Variants in GRHL2 observed in about 807,000 individuals in gnomAD.
The protein encoded by GRHL2 is grainyhead-like protein 2 homolog.
GRHL2 carries 21 observed loss-of-function variants against 83.8 expected under a neutral mutation model. The observed-to-expected ratio is 0.25, with a 90% CI of 0.18 to 0.36. GRHL2 has a LOEUF of 0.36. GRHL2 is among the 10% of genes least tolerant of loss of function. The probability of loss-of-function intolerance (pLI) is 1.00; values close to 1 mark genes in which losing one functional copy is unlikely to be tolerated. For synonymous variants in GRHL2, 280 were observed against 278.9 expected (o/e 1.00, Z -0.04); for missense variants, 623 against 781.8 (o/e 0.80, Z 2.42).
intron 2 of GRHL2, among the ~76,000 whole-genome samples, chr8:101,545,945 G>A (rs921464075): frequency 1.6e-4 from 20 of 127,906 alleles, no homozygotes; most frequent in Admixed American, 2.9e-4. Context: ...GCAGTGGCAC[G>A]ATCTTGGCTC....
Position 101,616,050 on chromosome 8 carries a change from TCTCCC to T in GRHL2, c.1099-3474_1099-3470del, listed in dbSNP as rs200214649. On this transcript the variant is annotated intron_variant, in intron 8 of 15. Coordinates refer to ENST00000646743, the MANE Select transcript of GRHL2 (RefSeq NM_024915.4). The stretch of plus-strand genomic sequence containing the variant: ...TATCTTTTCTTTCTTTCTTTCTCTT[TCTCCC>T]CTCCCCTCCCCTCCTCCTCCCTCCC... Among the ~76,000 whole-genome samples, 1,276 of 151,258 alleles carry T rather than the reference TCTCCC, an allele frequency of 8.4e-3. 6 individuals are homozygous for T. Among genetic ancestry groups the T allele is most frequent in the Non-Finnish European group, 0.011 (726 of 67,754 alleles).
chr8:101,523,066 T>A (rs537368899), intron 1 of GRHL2, among the ~76,000 whole-genome samples: 2 of 151,784 alleles, frequency 1.3e-5, no homozygotes, highest in South Asian at 4.2e-4. Flanking sequence ...CCCGCCACCA[T>A]GCCCCGCTAA....
At chr8:101,646,102 A>G (rs777540585) in intron 13 of GRHL2, among the ~76,000 whole-genome samples, 14 of 152,076 alleles carry the variant, frequency 9.2e-5, no homozygotes, top group Non-Finnish European at 1.2e-4. Context: ...CCTGAGCTCA[A>G]GCAATCTGCC....
intron 8 of GRHL2, among the ~76,000 whole-genome samples, chr8:101,614,449 T>A (rs905144463): frequency 2.6e-5 from 4 of 151,182 alleles, no homozygotes; most frequent in East Asian, 1.9e-4. Flanking sequence ...AGAGAGGTTT[T>A]AAAAATATTA....
At chr8:101,627,621 C>A (rs1356241640) in intron 9 of GRHL2, among the ~76,000 whole-genome samples, 1 of 152,068 alleles carries the variant, frequency 6.6e-6, no homozygotes, top group Non-Finnish European at 1.5e-5. Context: ...TCACTTTAAT[C>A]AGAAGCTAGA....
intron 1 of GRHL2, among the ~76,000 whole-genome samples, chr8:101,531,857 G>A (rs990718106): frequency 6.6e-6 from 1 of 152,116 alleles, no homozygotes; most frequent in African/African-American, 2.4e-5. Flanking sequence ...TCAAGTAGTA[G>A]ATCAGTATAT....
chr8:101,566,646 G>A (rs1266172720), intron 4 of GRHL2, among the ~76,000 whole-genome samples: 11 of 148,512 alleles, frequency 7.4e-5, no homozygotes, highest in Non-Finnish European at 1.2e-4. Flanking sequence ...CTAACTGCCC[G>A]ATTGATTTTT....
At chr8:101,677,314 T>C in the GRHL2 span, among the ~76,000 whole-genome samples, 2 of 152,018 alleles carry the variant, frequency 1.3e-5, no homozygotes. Context: ...AAGAACTTGA[T>C]GTCTGTTCTG....
At chr8:101,663,029 T>A (rs1350938215) in intron 14 of GRHL2, among the ~76,000 whole-genome samples, 1 of 152,212 alleles carries the variant, frequency 6.6e-6, no homozygotes, top group East Asian at 1.9e-4. Flanking sequence ...GTGTGAATTA[T>A]CAAAATGTGT....
At chr8:101,542,789 G>C (rs1267950519) in intron 1 of GRHL2, 1 of 456,716 alleles carries the variant, frequency 2.2e-6, no homozygotes, top group Admixed American at 2.3e-5. Flanking sequence ...GGGGAAAGAT[G>C]GAAGGGTAAA....
intron 2 of GRHL2, among the ~76,000 whole-genome samples, chr8:101,544,464 A>G (rs1237205857): frequency 6.6e-6 from 1 of 152,236 alleles, no homozygotes; most frequent in East Asian, 1.9e-4. Context: ...TCAGGAAATC[A>G]AACAAAAACA....
Position 101,663,529 on chromosome 8 carries a change from T to C in GRHL2, c.1699-925T>C, listed in dbSNP as rs763019366. 9.0e-4 allele frequency among the ~76,000 whole-genome samples: 137 copies of C among 151,948 alleles called. 1 individual carries two copies. The highest frequency in any genetic ancestry group is 2.4e-4 in the Non-Finnish European group (16 of 67,988). On this transcript the variant is annotated intron_variant, in intron 14 of 15. Transcript: ENST00000646743. The stretch of plus-strand genomic sequence containing the variant: ...CAGGAGGCTGAGGCAGGAGAATCAC[T>C]TGAACCTGGGAGGCAGAGGTTGCAG...
At position 101,633,377 on chromosome 8, in the gene GRHL2, C is replaced by T. The variant is rs149256677; in HGVS notation, c.1485+1012C>T. Among the ~76,000 whole-genome samples, 217 of 152,304 alleles carry T rather than the reference C, an allele frequency of 1.4e-3. 1 individual carries two copies. Among genetic ancestry groups the T allele is most frequent in the Non-Finnish European group, 1.7e-3 (115 of 68,026 alleles). On this transcript the variant is annotated intron_variant, in intron 11 of 15. Coordinates refer to ENST00000646743, the MANE Select transcript of GRHL2 (RefSeq NM_024915.4). Reference sequence around the variant, plus strand: ...GTTTTGAGAAACAGGAGCATACTGACACATTTAAGTTTTTCTTGCATTCTA... The same window carrying T: ...GTTTTGAGAAACAGGAGCATACTGATACATTTAAGTTTTTCTTGCATTCTA...
Position 101,492,721 on chromosome 8 carries a change from C to T in GRHL2, c.-49C>T. 1 of 1,580,306 alleles carries T rather than the reference C, an allele frequency of 6.3e-7. No individual in the cohort carries two copies. The highest frequency in any genetic ancestry group is 8.7e-7 in the Non-Finnish European group (1 of 1,149,180). ...GCACAGACTTGAAAGTCCAGTTTCA[C>T]CAGAGGCTGAGGCTCCAGGAAAAGC... is the stretch of plus-strand genomic sequence containing the variant. On this transcript the variant is annotated 5_prime_UTR_variant, in exon 1 of 16. Transcript: ENST00000646743.
chr8:101,493,546 A>T (rs1314909634), intron 1 of GRHL2, among the ~76,000 whole-genome samples: 1 of 152,094 alleles, frequency 6.6e-6, no homozygotes, highest in Non-Finnish European at 1.5e-5. Flanking sequence ...GCCTCGAGTT[A>T]GGGCCTCGGC....
intron 2 of GRHL2, chr8:101,543,996 A>T (rs1204883401): frequency 5.8e-6 from 1 of 172,716 alleles, no homozygotes; most frequent in Non-Finnish European, 1.2e-5. Flanking sequence ...AGATCTTGTG[A>T]GACTTATTCG....
chr8:101,638,570 C>A (rs1125589), intron 12 of GRHL2, among the ~76,000 whole-genome samples: 39,744 of 152,058 alleles, frequency 0.26, 5,343 homozygotes, highest in South Asian at 0.34. Context: ...ATATTTACTG[C>A]CTGCCCCTTT....
chr8:101,576,046 A>G (rs947811762), intron 6 of GRHL2, among the ~76,000 whole-genome samples: 2 of 152,252 alleles, frequency 1.3e-5, no homozygotes, highest in African/African-American at 4.8e-5. Context: ...AGCCACCGGC[A>G]TGTATTTGCT....
chr8:101,579,972 C>G (rs1393889109), intron 7 of GRHL2, among the ~76,000 whole-genome samples: 1 of 152,064 alleles, frequency 6.6e-6, no homozygotes, highest in East Asian at 1.9e-4. Flanking sequence ...AAAAAAGTAT[C>G]CTGAATTATT....
Sources: gnomAD v4.1 joint callset for allele counts (sites outside exome capture counted in the v4.1 genomes callset) on GRCh38, gnomAD v4.1.1 for gene constraint, MANE v1.5 for transcripts, NCBI Gene and HGNC (gene_info 2026-07-23, HGNC 2026-07-21) for gene names.